Variants in RESF1 observed in about 807,000 individuals in gnomAD.
The protein encoded by RESF1 is retroelement silencing factor 1.
RESF1 carries 65 observed loss-of-function variants against 134.7 expected under a neutral mutation model. The ratio of observed to expected loss-of-function variants is 0.48; its 90% CI spans 0.40 to 0.59. The LOEUF is 0.59. RESF1 is among the 20% of genes least tolerant of loss of function. The pLI, the probability that RESF1 is intolerant of heterozygous loss-of-function variation, is 0.00. For missense variants in RESF1, 2,274 were observed against 2,002.7 expected, an observed-to-expected ratio of 1.14 and a Z score of -2.59; for synonymous variants, 762 against 702.2, an observed-to-expected ratio of 1.09 and a Z score of -1.35.
In RESF1 at chr12:31,981,437, C is replaced by A; in HGVS notation, c.482C>A (p.Thr161Asn). The change falls in exon 4 of 6, where the codon ACC (threonine) becomes AAC (asparagine). Residue 161 changes from threonine (T) to asparagine (N), a missense_variant. By Grantham distance (65) the Thr-to-Asn change is moderately conservative (BLOSUM62 0). Transcript: ENST00000312561. ...CAGAGTCAACTGATAACATCAGATA[C>A]CTATTCTATGCAAATGCAGATGATC... ...ALQSQLITSDTYSMQMQMIPS... is the reference protein window; with the variant it reads ...ALQSQLITSDNYSMQMQMIPS... The A allele has an allele frequency of 6.2e-7, 1 of 1,613,936 alleles. No homozygotes were observed. Among genetic ancestry groups the A allele is most frequent in the East Asian group, 2.2e-5 (1 of 44,878 alleles).
At position 31,983,317 on chromosome 12, in the gene RESF1, G is replaced by C; in HGVS notation, c.2362G>C (p.Val788Leu). 6.2e-7 allele frequency: 1 copy of C among 1,614,100 alleles called. No individual in the cohort carries two copies. The highest frequency in any genetic ancestry group is 8.5e-7 in the Non-Finnish European group (1 of 1,180,004). The change falls in exon 4 of 6, where the codon GTG becomes CTG. Residue 788 changes from valine (V) to leucine (L), a missense_variant. Val to Leu is a conservative substitution (Grantham distance 32). Coordinates refer to ENST00000312561, the MANE Select transcript of RESF1 (RefSeq NM_018169.4). ...GITPAVLPET[V>L]YPVIKEGSVC... Reference sequence around the variant, plus strand: ...AACACCTGCAGTGTTACCTGAAACAGTGTATCCCGTTATTAAAGAAGGCAG... The same window carrying C: ...AACACCTGCAGTGTTACCTGAAACACTGTATCCCGTTATTAAAGAAGGCAG...
At position 31,981,397 on chromosome 12, in the gene RESF1, AATATGCCG is replaced by A. The variant is rs1312440872; in HGVS notation, c.443_450del (p.Asn148SerfsTer22). ...AACTGATTTTGGAGCTAACGTACCC[AATATGCCG>A]GCACTACAGAGTCAACTGATAACAT... On this transcript the variant is annotated frameshift_variant, in exon 4 of 6. Coordinates refer to ENST00000312561, the MANE Select transcript of RESF1 (RefSeq NM_018169.4). LOFTEE classifies it high-confidence loss of function. 1 of 1,613,938 alleles carries A rather than the reference AATATGCCG, an allele frequency of 6.2e-7. No homozygotes were observed. The highest frequency in any genetic ancestry group is 1.3e-5 in the African/African-American group (1 of 74,938).
intron 3 of RESF1, among the ~76,000 whole-genome samples, chr12:31,975,300 A>G (rs973442867): frequency 6.6e-6 from 1 of 152,134 alleles, no homozygotes; most frequent in Non-Finnish European, 1.5e-5. Flanking sequence ...CTTATAGTAC[A>G]GAGCATTCCC....
intron 3 of RESF1, among the ~76,000 whole-genome samples, chr12:31,978,564 T>G (rs1207179697): frequency 6.6e-6 from 1 of 152,048 alleles, no homozygotes. Context: ...TTTTTTGTTT[T>G]GAGACGGGCT....
At position 31,992,944 on chromosome 12, in the gene RESF1, C is replaced by T. The variant is rs1042913432; in HGVS notation, c.*409C>T. The T allele has an allele frequency of 9.8e-5, 17 of 172,878 alleles. No homozygotes were observed. The East Asian group carries it at 3.0e-3, about 31-fold the overall frequency. The allele number at this position is 172,878 out of a possible 1,614,324, so 10.7% of individuals were successfully genotyped here. On this transcript the variant is annotated 3_prime_UTR_variant, in exon 6 of 6. Coordinates refer to ENST00000312561, the MANE Select transcript of RESF1 (RefSeq NM_018169.4). ...AAAATTTATTTTTCAAAAATGCCCA[C>T]TGTGATGTGAATGTCAAAATATATT... is the stretch of plus-strand genomic sequence containing the variant.
chr12:31,977,508 G>A (rs149138736), intron 3 of RESF1, among the ~76,000 whole-genome samples: 39 of 152,164 alleles, frequency 2.6e-4, no homozygotes, highest in Admixed American at 1.2e-3. Context: ...ACTTTAAAAC[G>A]ATAATCTACC....
intron 2 of RESF1, among the ~76,000 whole-genome samples, chr12:31,962,813 C>G (rs1460335104): frequency 6.6e-6 from 1 of 152,192 alleles, no homozygotes; most frequent in African/African-American, 2.4e-5. Context: ...GTTCATGGAT[C>G]AGGGTCGGGT....
chr12:31,982,015 A>G lies in RESF1; in HGVS notation c.1060A>G (p.Ile354Val). Residue 354 changes from isoleucine to valine, a missense_variant, in exon 4 of 6, where the codon ATT becomes GTT. Physicochemically the swap from Ile to Val is conservative, Grantham distance 29. Transcript: ENST00000312561. The stretch of plus-strand genomic sequence containing the variant: ...CAGCAAACAGCCTTTTAACAGTCCC[A>G]TTAGATCTTCTGTGGATGGTGTTCA... ...TNSKQPFNSP[I>V]RSSVDGVQTL... 1 of 1,614,128 alleles carries G rather than the reference A, an allele frequency of 6.2e-7. No individual in the cohort carries two copies. The highest frequency in any genetic ancestry group is 8.5e-7 in the Non-Finnish European group (1 of 1,179,976).
rs1939952799 is a variant in RESF1 at position 31,985,581 on chromosome 12, G to T, written c.4626G>T (p.Gly1542=). 1 of 1,601,860 alleles carries T rather than the reference G, an allele frequency of 6.2e-7. No individual in the cohort carries two copies. The highest frequency in any genetic ancestry group is 8.5e-7 in the Non-Finnish European group (1 of 1,176,704). Reference sequence around the variant, plus strand: ...GGAATGTTAAAGAAAAAGTTGGTGGGAAGCAGCCTGATAAAATATGGATTG... The same window carrying T: ...GGAATGTTAAAGAAAAAGTTGGTGGTAAGCAGCCTGATAAAATATGGATTG... ...ILRNVKEKVG[G]KQPDKIWIDK... is the part of the protein sequence containing the mutation. The change falls in exon 4 of 6, where the codon GGG becomes GGT. Residue 1542 remains glycine (G), a synonymous_variant. Coordinates refer to ENST00000312561, the MANE Select transcript of RESF1 (RefSeq NM_018169.4).
At chr12:31,979,102 A>G (rs1017440579) in intron 3 of RESF1, among the ~76,000 whole-genome samples, 9 of 150,830 alleles carry the variant, frequency 6.0e-5, no homozygotes, top group Admixed American at 1.3e-4. Flanking sequence ...TTGTATTTTT[A>G]GTAGAGACGG....
At chr12:31,989,019 G>A (rs1308289645) in intron 5 of RESF1, among the ~76,000 whole-genome samples, 1 of 151,914 alleles carries the variant, frequency 6.6e-6, no homozygotes, top group Admixed American at 6.6e-5. Context: ...TTAGTGGAGT[G>A]AAAGTACCTT....
Position 31,992,352 on chromosome 12 carries a change from G to A in RESF1, c.5087-26G>A, listed in dbSNP as rs769906145. 20 of 1,562,468 alleles carry A rather than the reference G, an allele frequency of 1.3e-5. No individual in the cohort carries two copies. The South Asian group carries it at 1.8e-4, about 14-fold the overall frequency. ...ATCACAGCTAACATTGAGAAATAAAGTAAGTAAAGTTTTTATTTCCCTTAG... is the reference window on the plus strand; with the variant it reads ...ATCACAGCTAACATTGAGAAATAAAATAAGTAAAGTTTTTATTTCCCTTAG... On this transcript the variant is annotated intron_variant, in intron 5 of 5. Transcript: ENST00000312561.
rs539632799 is a variant in RESF1 at position 31,982,151 on chromosome 12, C to T, written c.1196C>T (p.Thr399Ile). Reference protein sequence around the residue: ...AKEKLVRDIKTLVEIKQKFSE... With the variant: ...AKEKLVRDIKILVEIKQKFSE... ...GAAAAGCTAGTAAGGGATATTAAAACATTAGTAGAGATAAAACAGAAGTTT... is the reference window on the plus strand; with the variant it reads ...GAAAAGCTAGTAAGGGATATTAAAATATTAGTAGAGATAAAACAGAAGTTT... Residue 399 changes from threonine to isoleucine, a missense_variant, in exon 4 of 6, where the codon ACA (threonine) becomes ATA (isoleucine). Thr to Ile is a moderately conservative substitution (Grantham distance 89, BLOSUM62 -1). Transcript: ENST00000312561. 1.9e-6 allele frequency: 3 copies of T among 1,613,060 alleles called. No homozygotes were observed. The highest frequency in any genetic ancestry group is 1.3e-5 in the African/African-American group (1 of 74,932).
rs747778885 is a variant in RESF1 at position 31,981,426 on chromosome 12, A to G, written c.471A>G (p.Ile157Met). 4 of 1,613,730 alleles carry G rather than the reference A, an allele frequency of 2.5e-6. No individual in the cohort carries two copies. Among genetic ancestry groups the G allele is most frequent in the South Asian group, 2.2e-5 (2 of 91,074 alleles). ...TGCCGGCACTACAGAGTCAACTGAT[A>G]ACATCAGATACCTATTCTATGCAAA... ...PNMPALQSQLITSDTYSMQMQ... is the reference protein window; with the variant it reads ...PNMPALQSQLMTSDTYSMQMQ... The change falls in exon 4 of 6, where the codon ATA becomes ATG. Residue 157 changes from isoleucine (I) to methionine (M), a missense_variant. Ile to Met is a conservative substitution (Grantham distance 10). Transcript: ENST00000312561.
At chr12:31,989,774 C>T (rs1417838415) in intron 5 of RESF1, among the ~76,000 whole-genome samples, 1 of 152,098 alleles carries the variant, frequency 6.6e-6, no homozygotes, top group Non-Finnish European at 1.5e-5. Context: ...ATCACTTGAA[C>T]CTGTGAGGCG....
intron 3 of RESF1, among the ~76,000 whole-genome samples, chr12:31,975,391 T>C (rs1488155800): frequency 2.0e-5 from 3 of 152,254 alleles, no homozygotes; most frequent in Admixed American, 6.5e-5. Context: ...CATACTGATA[T>C]GTTATTATTA....
At chr12:31,973,976 C>G (rs766791131) in intron 3 of RESF1, among the ~76,000 whole-genome samples, 1 of 152,120 alleles carries the variant, frequency 6.6e-6, no homozygotes, top group Admixed American at 6.6e-5. Flanking sequence ...TTCGCCAGAC[C>G]TGTACTTTTG....
At position 31,983,389 on chromosome 12, in the gene RESF1, G is replaced by C; in HGVS notation, c.2434G>C (p.Ala812Pro). 1.2e-6 allele frequency: 2 copies of C among 1,614,006 alleles called. No homozygotes were observed. Among genetic ancestry groups the C allele is most frequent in the Admixed American group, 1.7e-5 (1 of 60,022 alleles). The change falls in exon 4 of 6, where the codon GCT (alanine) becomes CCT (proline). Residue 812 changes from alanine (A) to proline (P), a missense_variant. By Grantham distance (27) the Ala-to-Pro change is conservative. Coordinates refer to ENST00000312561, the MANE Select transcript of RESF1 (RefSeq NM_018169.4). ...NQLAENAKAT[A>P]ALKVDVSGPV... The stretch of plus-strand genomic sequence containing the variant: ...ATTGGCAGAAAATGCAAAGGCAACT[G>C]CTGCTTTGAAAGTTGATGTTAGTGG...
chr12:31,967,998 C>T (rs1430062220), intron 2 of RESF1, among the ~76,000 whole-genome samples: 1 of 152,140 alleles, frequency 6.6e-6, no homozygotes, highest in Non-Finnish European at 1.5e-5. Flanking sequence ...AGAGCTAGTA[C>T]AGGTTGAATA....
Sources: gnomAD v4.1 joint callset for allele counts (sites outside exome capture counted in the v4.1 genomes callset) on GRCh38, gnomAD v4.1.1 for gene constraint, MANE v1.5 for transcripts, NCBI Gene and HGNC (gene_info 2026-07-23, HGNC 2026-07-21) for gene names.